Variants in MEGF11 observed in about 807,000 individuals in gnomAD.
MEGF11 encodes the protein multiple EGF like domains 11.
Under a neutral mutation model 146.6 loss-of-function variants are expected in MEGF11, and 126 were observed. The ratio of observed to expected loss-of-function variants is 0.86; its 90% confidence interval spans 0.74 to 1.00. The LOEUF (loss-of-function observed/expected upper bound fraction) is 1.00. Among genes scored for constraint, MEGF11 ranks in the 50% least tolerant of loss-of-function variants. MEGF11 has a pLI of 0.00. For missense variants in MEGF11, 1,509 were observed against 1,521.2 expected, an observed-to-expected ratio of 0.99 and a Z score of 0.13; for synonymous variants, 532 against 583.4, an observed-to-expected ratio of 0.91 and a Z score of 1.27.
At chr15:66,211,294 T>C (rs1020012933) in intron 1 of MEGF11, among the ~76,000 whole-genome samples, 86 of 152,156 alleles carry the variant, frequency 5.7e-4, no homozygotes, top group East Asian at 1.4e-3. Context: ...GAGGCCAAGG[T>C]GGGCGGATCA....
At chr15:66,036,031 T>C (rs1018876514) in intron 5 of MEGF11, among the ~76,000 whole-genome samples, 5 of 152,232 alleles carry the variant, frequency 3.3e-5, no homozygotes, top group Non-Finnish European at 7.3e-5. Context: ...CCTTTCTGCT[T>C]TCCTGCCTTG....
At chr15:66,041,768 C>T (rs1256782587) in intron 5 of MEGF11, among the ~76,000 whole-genome samples, 3 of 152,142 alleles carry the variant, frequency 2.0e-5, no homozygotes. Context: ...TCATTTAAGC[C>T]TTCTAACTAC....
chr15:66,094,642 T>C, intron 4 of MEGF11, 148 bp from the exon 5 acceptor site: 1 of 629,604 alleles, frequency 1.6e-6, no homozygotes, highest in Non-Finnish European at 2.8e-6. Flanking sequence ...AAAATCAAGC[T>C]ACACCTGACC....
At chr15:65,929,966 G>T in intron 11 of MEGF11, 83 bp from the exon 12 acceptor site, 1 of 1,335,930 alleles carries the variant, frequency 7.5e-7, no homozygotes, top group Non-Finnish European at 1.0e-6. Flanking sequence ...TCTGCACACA[G>T]CATTCCACCC....
chr15:66,023,203 G>C (rs1408686658), intron 5 of MEGF11, among the ~76,000 whole-genome samples: 2 of 150,440 alleles, frequency 1.3e-5, no homozygotes, highest in South Asian at 2.1e-4. Context: ...GAAAAGCCCA[G>C]ATGGAGATTC....
At chr15:65,898,957 T>C (rs1233756471) in intron 24 of MEGF11, 23 bp from the exon 25 acceptor site, 1 of 1,612,348 alleles carries the variant, frequency 6.2e-7, no homozygotes, top group Admixed American at 1.7e-5. Context: ...AGACATTTCT[T>C]AGGACAAGCA....
At chr15:66,207,134 T>C (rs1380955658) in intron 1 of MEGF11, among the ~76,000 whole-genome samples, 2 of 151,982 alleles carry the variant, frequency 1.3e-5, no homozygotes, top group Admixed American at 1.3e-4. Context: ...AGAAAAAATA[T>C]AGAGAGAAAT....
chr15:65,980,998 G>A lies in MEGF11; in HGVS notation c.642-100C>T, dbSNP rs541893304. 61 of 1,410,692 alleles carry A rather than the reference G, an allele frequency of 4.3e-5. No individual in the cohort carries two copies. In the African/African-American group the frequency reaches 7.7e-4, roughly 18 times the overall value. The allele number at this position is 1,410,692 out of a possible 1,614,324, so 87.4% of individuals were successfully genotyped here. ...CCTAGGAATTCCTCCGCAGTTAATG[G>A]ATCTGTATTAGGCACAGCATCCGCT... On this transcript the variant is annotated intron_variant, in intron 6 of 25. Coordinates refer to ENST00000395614, the MANE Select transcript of MEGF11 (RefSeq NM_001385028.1).
At position 66,021,147 on chromosome 15, in the gene MEGF11, G is replaced by A. The variant is rs151249754; in HGVS notation, c.395-38659C>T. Among the ~76,000 whole-genome samples the A allele has an allele frequency of 2.4e-3, 367 of 152,306 alleles. 1 individual carries two copies. Among genetic ancestry groups the A allele is most frequent in the African/African-American group, 8.3e-3 (346 of 41,554 alleles). On this transcript the variant is annotated intron_variant, in intron 5 of 25. Transcript: ENST00000395614. ...CCTCTCTTGGGGAGGTGATGCAGGGGCCTGCAGGGACAACGCTTGGGGAGC... is the reference window on the plus strand; with the variant it reads ...CCTCTCTTGGGGAGGTGATGCAGGGACCTGCAGGGACAACGCTTGGGGAGC...
chr15:66,100,571 A>G lies in MEGF11; in HGVS notation c.302-6077T>C, dbSNP rs149160064. 4.6e-5 allele frequency among the ~76,000 whole-genome samples: 7 copies of G among 152,286 alleles called. No individual in the cohort carries two copies. In the East Asian group the frequency reaches 1.4e-3, roughly 29 times the overall value. ...TTTTTTCACCTGTGAAACATGGACA[A>G]TGGTCCCTTACCTCACACATTCATT... On this transcript the variant is annotated intron_variant, in intron 4 of 25. Transcript: ENST00000395614.
intron 4 of MEGF11, among the ~76,000 whole-genome samples, chr15:66,104,585 A>C (rs560610539): frequency 6.1e-4 from 93 of 152,302 alleles, no homozygotes; most frequent in Middle Eastern, 3.4e-3. Flanking sequence ...GGTCTCATTA[A>C]CTTTGCCCAT....
At chr15:65,921,836 C>G in intron 15 of MEGF11, 1 of 156,248 alleles carries the variant, frequency 6.4e-6, no homozygotes, top group Non-Finnish European at 1.4e-5. Flanking sequence ...TTCTTGGAGT[C>G]GGTATTGTGA....
intron 10 of MEGF11, 22 bp downstream of exon 10, chr15:65,957,515 AGGAAGGCCAC>A: frequency 1.2e-6 from 2 of 1,601,824 alleles, no homozygotes; most frequent in South Asian, 2.2e-5. Context: ...GGTGGAGGTC[AGGAAGGCCAC>A]GGGAGGCCCC....
chr15:66,060,882 C>T (rs940291871), intron 5 of MEGF11, among the ~76,000 whole-genome samples: 1 of 152,242 alleles, frequency 6.6e-6, no homozygotes, highest in African/African-American at 2.4e-5. Flanking sequence ...GAAACAGAGA[C>T]CCTCATGAGG....
At chr15:66,130,650 G>T (rs1202302018) in intron 1 of MEGF11, among the ~76,000 whole-genome samples, 1 of 51,100 alleles carries the variant, frequency 2.0e-5, no homozygotes, top group African/African-American at 7.0e-5. Flanking sequence ...AAAAAGGAAA[G>T]AAATAAAGAG....
chr15:66,046,019 C>T (rs1444770860), intron 5 of MEGF11, among the ~76,000 whole-genome samples: 2 of 152,104 alleles, frequency 1.3e-5, no homozygotes, highest in Non-Finnish European at 2.9e-5. Context: ...AGGCGAATTG[C>T]TTGAACCTGG....
At chr15:66,179,551 C>T (rs2090483020) in intron 1 of MEGF11, among the ~76,000 whole-genome samples, 1 of 152,150 alleles carries the variant, frequency 6.6e-6, no homozygotes. Context: ...AATCTCCATT[C>T]ACCCTGCAGT....
Position 65,970,593 on chromosome 15 carries a change from TCA to T in MEGF11, c.857_858del (p.Val286AspfsTer33). The T allele has an allele frequency of 6.2e-7, 1 of 1,613,980 alleles. No individual in the cohort carries two copies. The highest frequency in any genetic ancestry group is 8.5e-7 in the Non-Finnish European group (1 of 1,179,850). The part of the protein sequence containing the change: ...PCHHGGQCDH[V>X]TGQCHCTAGY... Reference sequence around the variant, plus strand: ...CCAGCTGTACAGTGGCACTGTCCAGTCACGTGGTCACACTGCCCTCCATGGTG... The same window carrying T: ...CCAGCTGTACAGTGGCACTGTCCAGTCGTGGTCACACTGCCCTCCATGGTG... On this transcript the variant is annotated frameshift_variant, in exon 8 of 26. Coordinates refer to ENST00000395614, the MANE Select transcript of MEGF11 (RefSeq NM_001385028.1). LOFTEE classifies it high-confidence loss of function.
At chr15:65,928,353 G>T (rs1472978607) in intron 13 of MEGF11, 72 bp downstream of exon 13, 2 of 962,684 alleles carry the variant, frequency 2.1e-6, no homozygotes, top group East Asian at 2.6e-5. Flanking sequence ...AGAAGAAAAC[G>T]GTCAAGAGAA....
Sources: gnomAD v4.1 joint callset for allele counts (sites outside exome capture counted in the v4.1 genomes callset) on GRCh38, gnomAD v4.1.1 for gene constraint, MANE v1.5 for transcripts, NCBI Gene and HGNC (gene_info 2026-07-23, HGNC 2026-07-21) for gene names.